The following ZRANB3 variants were observed in gnomAD, a reference collection of about 807,000 sequenced individuals.
ZRANB3 encodes zinc finger RANBP2-type containing 3.
A neutral mutation model predicts 133.8 loss-of-function variants in ZRANB3; 125 were observed. That is an observed-to-expected ratio of 0.93 (90% CI 0.81 to 1.08). ZRANB3 has a LOEUF of 1.08. Ranked by LOEUF, ZRANB3 falls within the 50% of genes least tolerant of loss-of-function variation. The pLI is 0.00. For missense variants in ZRANB3, 1,229 were observed against 1,275.5 expected, an observed-to-expected ratio of 0.96 and a Z score of 0.56; for synonymous variants, 387 against 432.7, an observed-to-expected ratio of 0.89 and a Z score of 1.31.
At chr2:135,299,047 C>T (rs149264765) in intron 8 of ZRANB3, among the ~76,000 whole-genome samples, 14 of 152,158 alleles carry the variant, frequency 9.2e-5, no homozygotes, top group Middle Eastern at 3.4e-3. Context: ...CTTTCTCGGG[C>T]GATGGACAGG....
intron 2 of ZRANB3, among the ~76,000 whole-genome samples, chr2:135,429,937 C>T (rs565090391): frequency 2.0e-5 from 3 of 152,268 alleles, no homozygotes; most frequent in Admixed American, 2.0e-4. Flanking sequence ...AATCCCAGCA[C>T]TTTGAGAGGC....
chr2:135,324,082 T>G (rs1205306707), intron 6 of ZRANB3, among the ~76,000 whole-genome samples: 2 of 152,094 alleles, frequency 1.3e-5, no homozygotes, highest in African/African-American at 2.4e-5. Context: ...ATCTTGATTT[T>G]TTTTTATTAT....
At chr2:135,295,665 C>T (rs1682028107) in intron 8 of ZRANB3, among the ~76,000 whole-genome samples, 1 of 152,186 alleles carries the variant, frequency 6.6e-6, no homozygotes, top group Non-Finnish European at 1.5e-5. Context: ...GCAGTTTCTT[C>T]CTAGCCTCGA....
chr2:135,360,444 T>TGC (rs1685632832), intron 3 of ZRANB3, among the ~76,000 whole-genome samples: 1 of 151,436 alleles, frequency 6.6e-6, no homozygotes, highest in Non-Finnish European at 1.5e-5. Flanking sequence ...CGGTGGCTCA[T>TGC]GCCTGTATCC....
intron 3 of ZRANB3, among the ~76,000 whole-genome samples, chr2:135,384,231 C>A (rs537084807): frequency 6.5e-4 from 99 of 152,278 alleles, no homozygotes; most frequent in Middle Eastern, 3.4e-3. Context: ...CGCAAATAAA[C>A]TAGGAAATCT....
intron 8 of ZRANB3, among the ~76,000 whole-genome samples, chr2:135,305,430 T>C (rs1371480949): frequency 6.6e-6 from 1 of 152,220 alleles, no homozygotes; most frequent in Non-Finnish European, 1.5e-5. Context: ...TGGGTGATGT[T>C]TTTTGTTTTA....
intron 2 of ZRANB3, among the ~76,000 whole-genome samples, chr2:135,433,397 A>G (rs1031101130): frequency 2.0e-5 from 3 of 152,134 alleles, no homozygotes; most frequent in African/African-American, 7.2e-5. Flanking sequence ...AAAAAAACAA[A>G]ACAAAACAAA....
At chr2:135,444,373 C>G (rs1265010535) in intron 2 of ZRANB3, among the ~76,000 whole-genome samples, 1 of 152,080 alleles carries the variant, frequency 6.6e-6, no homozygotes. Context: ...ATACAAATCT[C>G]CATCAATTAG....
intron 6 of ZRANB3, among the ~76,000 whole-genome samples, chr2:135,331,870 T>C (rs554571559): frequency 4.0e-5 from 6 of 151,286 alleles, no homozygotes; most frequent in African/African-American, 1.4e-4. Flanking sequence ...CTAGGAGACT[T>C]TTACTTTTTT....
chr2:135,309,423 A>T (rs927920521), intron 8 of ZRANB3, among the ~76,000 whole-genome samples: 10 of 152,202 alleles, frequency 6.6e-5, no homozygotes, highest in African/African-American at 2.4e-4. Context: ...AATAAATAAA[A>T]GGCATATATA....
intron 9 of ZRANB3, among the ~76,000 whole-genome samples, chr2:135,272,763 A>G (rs1680593034): frequency 1.3e-5 from 2 of 152,152 alleles, no homozygotes; most frequent in Non-Finnish European, 2.9e-5. Flanking sequence ...GAGGTGGGGC[A>G]CTGAGGCACC....
intron 1 of ZRANB3, among the ~76,000 whole-genome samples, chr2:135,523,539 C>T (rs182669060): frequency 7.2e-5 from 11 of 152,254 alleles, no homozygotes; most frequent in African/African-American, 2.2e-4. Flanking sequence ...TTAACGGAAA[C>T]AATATTAATA....
chr2:135,285,921 G>A (rs1210266265), intron 8 of ZRANB3, among the ~76,000 whole-genome samples: 1 of 152,046 alleles, frequency 6.6e-6, no homozygotes, highest in Non-Finnish European at 1.5e-5. Flanking sequence ...ACATTACAAA[G>A]CAACAAAAAT....
rs188726463 is a variant in ZRANB3 at position 135,203,692 on chromosome 2, G to A, written c.3010-729C>T. ...ACAATCTTTAATTGTTGACCTAAAT[G>A]CTTTTGTCACTATACAATGGCAGTT... On this transcript the variant is annotated intron_variant, in intron 19 of 20. Transcript: ENST00000264159. Among the ~76,000 whole-genome samples the A allele has an allele frequency of 2.7e-5, 4 of 150,740 alleles. No homozygotes were observed. In the East Asian group the frequency reaches 7.8e-4, roughly 29 times the overall value.
At chr2:135,236,468 C>A (rs1695289090) in intron 12 of ZRANB3, among the ~76,000 whole-genome samples, 1 of 152,092 alleles carries the variant, frequency 6.6e-6, no homozygotes, top group African/African-American at 2.4e-5. Flanking sequence ...CAAAAAAGAA[C>A]CCACATTGCC....
At chr2:135,508,555 T>C (rs1242615579) in intron 1 of ZRANB3, among the ~76,000 whole-genome samples, 6 of 152,068 alleles carry the variant, frequency 3.9e-5, no homozygotes, top group Admixed American at 3.3e-4. Flanking sequence ...ATCTAAAACA[T>C]TATGAAAATG....
chr2:135,307,651 G>A (rs1048350813), intron 8 of ZRANB3, among the ~76,000 whole-genome samples: 6 of 151,706 alleles, frequency 4.0e-5, no homozygotes, highest in African/African-American at 1.5e-4. Flanking sequence ...TGTCTTTTTT[G>A]TTATTTTGCA....
At position 135,207,417 on chromosome 2, in the gene ZRANB3, A is replaced by G; in HGVS notation, c.3009+17T>C. 6.3e-7 allele frequency: 1 copy of G among 1,581,004 alleles called. No homozygotes were observed. The highest frequency in any genetic ancestry group is 8.6e-7 in the Non-Finnish European group (1 of 1,163,578). ...AGTACAATGCTGCCTTCTATCTATC[A>G]CATGATTATAACTTACCTGTTCTAA... On this transcript the variant is annotated intron_variant, in intron 19 of 20. Coordinates refer to ENST00000264159, the MANE Select transcript of ZRANB3 (RefSeq NM_032143.4).
Position 135,359,060 on chromosome 2 carries a change from C to G in ZRANB3, c.181-5432G>C, listed in dbSNP as rs561780272. 2.0e-5 allele frequency among the ~76,000 whole-genome samples: 3 copies of G among 151,994 alleles called. No homozygotes were observed. The South Asian group carries it at 6.2e-4, about 32-fold the overall frequency. On this transcript the variant is annotated intron_variant, in intron 3 of 20. Transcript: ENST00000264159. ...AAGACTTGTTATGTCAGTAATAAAC[C>G]CTTTCATACCCTCTTCATGTCTGGG...
Sources: allele counts gnomAD v4.1 joint callset (sites outside exome capture counted in the v4.1 genomes callset), GRCh38; gene constraint gnomAD v4.1.1; transcripts MANE v1.5; gene names NCBI Gene and HGNC (gene_info 2026-07-23, HGNC 2026-07-21).